The following CASZ1 variants were observed in gnomAD, a reference collection of about 807,000 sequenced individuals.
CASZ1 encodes zinc finger protein castor homolog 1.
A neutral mutation model predicts 135.2 loss-of-function variants in CASZ1; 28 were observed. The observed-to-expected ratio is 0.21, with a 90% CI of 0.15 to 0.28. CASZ1 has a LOEUF of 0.28. CASZ1 is among the 10% of genes least tolerant of loss of function. CASZ1 has a pLI of 1.00. For missense variants in CASZ1, 2,161 were observed against 2,453.3 expected, an observed-to-expected ratio of 0.88 and a Z score of 2.52; for synonymous variants, 1,068 against 1,073.4, an observed-to-expected ratio of 0.99 and a Z score of 0.10.
intron 2 of CASZ1, among the ~76,000 whole-genome samples, chr1:10,760,367 T>C (rs1640349784): frequency 6.6e-6 from 1 of 152,246 alleles, no homozygotes; most frequent in Non-Finnish European, 1.5e-5. Flanking sequence ...CATTGTTCAA[T>C]GTCATACCAT....
At position 10,755,047 on chromosome 1, in the gene CASZ1, C is replaced by A. The variant is rs1225176553; in HGVS notation, c.-77+5654G>T. 2.6e-5 allele frequency among the ~76,000 whole-genome samples: 4 copies of A among 152,194 alleles called. No individual in the cohort carries two copies. Among genetic ancestry groups the A allele is most frequent in the African/African-American group, 9.6e-5 (4 of 41,452 alleles). Reference sequence around the variant, plus strand: ...TCGGAGGAAAGCCAAGGAGCCGGACCAGAGAGAAAACTCAGGTGGTGAGTG... The same window carrying A: ...TCGGAGGAAAGCCAAGGAGCCGGACAAGAGAGAAAACTCAGGTGGTGAGTG... On this transcript the variant is annotated intron_variant, in intron 2 of 20. Coordinates refer to ENST00000377022, the MANE Select transcript of CASZ1 (RefSeq NM_001079843.3). The surrounding 1 kb of genome is among the most constrained non-coding windows in gnomAD (Gnocchi z 4.3).
intron 4 of CASZ1, 35 bp downstream of exon 4, chr1:10,693,839 G>C: frequency 3.7e-6 from 6 of 1,600,332 alleles, no homozygotes; most frequent in Non-Finnish European, 5.1e-6. Flanking sequence ...AAAGAAAAGT[G>C]AAAGAGCCGC....
At position 10,657,327 on chromosome 1, in the gene CASZ1, TGGGACGTGGCTCCCACAGCCTC is replaced by T. The variant is rs1446091075; in HGVS notation, c.1410-613_1410-592del. On this transcript the variant is annotated intron_variant, in intron 7 of 20. Transcript: ENST00000377022. This position sits in a 1 kb window ranked among gnomAD's most constrained non-coding sequence, Gnocchi z 5.7. ...GTCCTCCTCCAGGCCCCAGGGCCGCTGGGACGTGGCTCCCACAGCCTCGGTGACGGCCGGCCGTGGGGAGGCC... is the reference window on the plus strand; with the variant it reads ...GTCCTCCTCCAGGCCCCAGGGCCGCTGGTGACGGCCGGCCGTGGGGAGGCC... Among the ~76,000 whole-genome samples, 3 of 152,178 alleles carry T rather than the reference TGGGACGTGGCTCCCACAGCCTC, an allele frequency of 2.0e-5. No homozygotes were observed. Among genetic ancestry groups the T allele is most frequent in the Non-Finnish European group, 4.4e-5 (3 of 68,032 alleles).
rs7545227 is a variant in CASZ1, at chr1:10,680,243, G to A, written c.16+13631C>T. On this transcript the variant is annotated intron_variant, in intron 4 of 20. Coordinates refer to ENST00000377022, the MANE Select transcript of CASZ1 (RefSeq NM_001079843.3). ...AGGCAGAAGGCCTTACGATGCTGCC[G>A]GAGGGCTCCGGCTGGATGGCACGGG... 9.0e-3 allele frequency among the ~76,000 whole-genome samples: 1,349 copies of A among 149,958 alleles called. 19 individuals carry two copies. The highest frequency in any genetic ancestry group is 0.029 in the African/African-American group (1,202 of 40,750).
chr1:10,661,518 C>A (rs1643025197), intron 5 of CASZ1: 1 of 150,374 alleles, frequency 6.7e-6, no homozygotes, highest in Admixed American at 6.6e-5. Context: ...CACACACATG[C>A]ATTCTCAAAC....
At chr1:10,731,180 A>G (rs1398155557) in intron 2 of CASZ1, among the ~76,000 whole-genome samples, 2 of 152,232 alleles carry the variant, frequency 1.3e-5, no homozygotes, top group South Asian at 2.1e-4. Flanking sequence ...TATTTTCCAC[A>G]TAACTGATGT....
intron 2 of CASZ1, among the ~76,000 whole-genome samples, chr1:10,710,430 C>T (rs1173351414): frequency 6.6e-6 from 1 of 152,204 alleles, no homozygotes; most frequent in African/African-American, 2.4e-5. Context: ...TGGCCCTGCC[C>T]GATCTTCTTG....
At chr1:10,715,316 C>T (rs1464356375) in intron 2 of CASZ1, among the ~76,000 whole-genome samples, 1 of 152,128 alleles carries the variant, frequency 6.6e-6, no homozygotes, top group East Asian at 1.9e-4. Context: ...CTCTTGGTGA[C>T]TGTCTACGAT....
rs1381893291 is a variant in CASZ1 at position 10,699,013 on chromosome 1, T to A, written c.-23-5101A>T. ...CCCCACCGCTCCCCCACCCATGGCCTGGCCTGGGTTGGGGGTGGGAGCAAG... is the reference window on the plus strand; with the variant it reads ...CCCCACCGCTCCCCCACCCATGGCCAGGCCTGGGTTGGGGGTGGGAGCAAG... On this transcript the variant is annotated intron_variant, in intron 3 of 20. Transcript: ENST00000377022. The surrounding 1 kb of genome is among the most constrained non-coding windows in gnomAD (Gnocchi z 4.6). Among the ~76,000 whole-genome samples, 5 of 152,166 alleles carry A rather than the reference T, an allele frequency of 3.3e-5. No homozygotes were observed. The highest frequency in any genetic ancestry group is 7.4e-5 in the Non-Finnish European group (5 of 68,010).
chr1:10,647,726 T>A lies in CASZ1; in HGVS notation c.3497+75A>T. The A allele has an allele frequency of 6.3e-7, 1 of 1,597,248 alleles. No homozygotes were observed. The highest frequency in any genetic ancestry group is 1.1e-5 in the South Asian group (1 of 89,862). On this transcript the variant is annotated intron_variant, in intron 16 of 20. Transcript: ENST00000377022. This position sits in a 1 kb window ranked among gnomAD's most constrained non-coding sequence, Gnocchi z 4.9. ...ACCATCCGCAGTGAGGAACAGGGCC[T>A]CCTAGCGCCCTTGCTAGCACCTACT...
At position 10,774,431 on chromosome 1, in the gene CASZ1, C is replaced by G. The variant is rs902092553; in HGVS notation, c.-233-13574G>C. On this transcript the variant is annotated intron_variant, in intron 1 of 20. Transcript: ENST00000377022. The surrounding 1 kb of genome is among the most constrained non-coding windows in gnomAD (Gnocchi z 4.4). Reference sequence around the variant, plus strand: ...TAGGGATTTGGAAAAAGTCCCACCACCAGGGCCTCCTGTGTAGTCTACAGA... The same window carrying G: ...TAGGGATTTGGAAAAAGTCCCACCAGCAGGGCCTCCTGTGTAGTCTACAGA... Among the ~76,000 whole-genome samples, 7 of 152,114 alleles carry G rather than the reference C, an allele frequency of 4.6e-5. No homozygotes were observed. Among genetic ancestry groups the G allele is most frequent in the African/African-American group, 1.7e-4 (7 of 41,424 alleles).
chr1:10,697,362 G>C lies in CASZ1; in HGVS notation c.-23-3450C>G, dbSNP rs1638956457. ...CCTGAGACCCCAAAGCCAGGCCACAGTGAGGACCTTCATGCCCGGGACTCA... is the reference window on the plus strand; with the variant it reads ...CCTGAGACCCCAAAGCCAGGCCACACTGAGGACCTTCATGCCCGGGACTCA... On this transcript the variant is annotated intron_variant, in intron 3 of 20. Transcript: ENST00000377022. The surrounding 1 kb of genome is among the most constrained non-coding windows in gnomAD (Gnocchi z 4.7). 6.6e-6 allele frequency among the ~76,000 whole-genome samples: 1 copy of C among 152,070 alleles called. No individual in the cohort carries two copies. The highest frequency in any genetic ancestry group is 6.5e-5 in the Admixed American group (1 of 15,274).
intron 1 of CASZ1, among the ~76,000 whole-genome samples, chr1:10,765,090 G>A (rs951178228): frequency 1.3e-5 from 2 of 152,114 alleles, no homozygotes; most frequent in African/African-American, 2.4e-5. Flanking sequence ...CCCCTACATC[G>A]GAACCTCCCC....
At chr1:10,773,158 C>T (rs1253999238) in intron 1 of CASZ1, among the ~76,000 whole-genome samples, 2 of 152,116 alleles carry the variant, frequency 1.3e-5, no homozygotes, top group African/African-American at 4.8e-5. Context: ...GAAAGGAAAG[C>T]TCTCATCAAA....
chr1:10,782,614 A>G (rs1640782638), intron 1 of CASZ1, among the ~76,000 whole-genome samples: 1 of 152,218 alleles, frequency 6.6e-6, no homozygotes, highest in Admixed American at 6.5e-5. Context: ...CGGGACAGAC[A>G]GTCTCCAATC....
rs755281681 is a variant in CASZ1, at chr1:10,788,442, G to C, written c.-234+8122C>G. On this transcript the variant is annotated intron_variant, in intron 1 of 20. Transcript: ENST00000377022. This position sits in a 1 kb window ranked among gnomAD's most constrained non-coding sequence, Gnocchi z 4.1. ...CCCACCAGAGCAGGGGGCCCTAGAG[G>C]GTCCTTAGACTGCATTTATAAGATC... 2.0e-5 allele frequency among the ~76,000 whole-genome samples: 3 copies of C among 152,130 alleles called. No homozygotes were observed. The highest frequency in any genetic ancestry group is 4.4e-5 in the Non-Finnish European group (3 of 68,010).
Position 10,650,694 on chromosome 1 carries a change from T to C in CASZ1, c.2878A>G (p.Lys960Glu). Residue 960 changes from lysine to glutamate, a missense_variant and splice_region_variant, in exon 13 of 21, where the codon AAG becomes GAG. By Grantham distance (56) the Lys-to-Glu change is moderately conservative. Coordinates refer to ENST00000377022, the MANE Select transcript of CASZ1 (RefSeq NM_001079843.3). Reference protein sequence around the residue: ...NSSLLSSLMNKMSQGNPGLGS... With the variant: ...NSSLLSSLMNEMSQGNPGLGS... ...GGCGTGTGATGGATGGCTCTTACCTTATTCATAAGCGAGGATAAAAGAGAT... is the reference window on the plus strand; with the variant it reads ...GGCGTGTGATGGATGGCTCTTACCTCATTCATAAGCGAGGATAAAAGAGAT... 6.2e-7 allele frequency: 1 copy of C among 1,613,404 alleles called. No homozygotes were observed. The highest frequency in any genetic ancestry group is 8.5e-7 in the Non-Finnish European group (1 of 1,179,278).
chr1:10,659,802 G>A lies in CASZ1; in HGVS notation c.1240C>T (p.Pro414Ser). The A allele has an allele frequency of 6.2e-7, 1 of 1,613,820 alleles. No homozygotes were observed. The stretch of plus-strand genomic sequence containing the variant: ...AAGGACAGGGAGGCAGGAGGCTCTG[G>A]CCCTGGCCCGGGGGCGCTGGGGGCA... The part of the protein sequence containing the change: ...PSAPSAPGPG[P>S]EPPASLSFNT... The change falls in exon 6 of 21, where the codon CCA (proline) becomes TCA (serine). Residue 414 changes from proline to serine, a missense_variant. By Grantham distance (74) the Pro-to-Ser change is moderately conservative. Coordinates refer to ENST00000377022, the MANE Select transcript of CASZ1 (RefSeq NM_001079843.3).
intron 2 of CASZ1, among the ~76,000 whole-genome samples, chr1:10,736,283 G>A (rs1185981748): frequency 6.6e-6 from 1 of 152,180 alleles, no homozygotes; most frequent in Non-Finnish European, 1.5e-5. Flanking sequence ...AGGTCCTAGA[G>A]AACACACACG....
Sources: allele counts gnomAD v4.1 joint callset (sites outside exome capture counted in the v4.1 genomes callset), GRCh38; gene constraint gnomAD v4.1.1; non-coding constraint Gnocchi (gnomAD v3.1); transcripts MANE v1.5; gene names NCBI Gene and HGNC (gene_info 2026-07-23, HGNC 2026-07-21).